The following CPNE4 variants were observed in gnomAD, a reference collection of about 807,000 sequenced individuals.
CPNE4 encodes copine-4.
In CPNE4, 25 loss-of-function variants were observed where a neutral mutation model predicts 67.9. That is an observed-to-expected ratio of 0.37 (90% CI 0.27 to 0.51). The LOEUF is 0.51. Among genes scored for constraint, CPNE4 ranks in the 20% least tolerant of loss-of-function variants. The pLI, the probability that CPNE4 is intolerant of heterozygous loss-of-function variation, is 0.93. For synonymous variants in CPNE4, 242 were observed against 244.9 expected (o/e 0.99, Z 0.11); for missense variants, 464 against 690.8 (o/e 0.67, Z 3.68).
intron 2 of CPNE4, among the ~76,000 whole-genome samples, chr3:131,895,633 G>A (rs2088297415): frequency 6.6e-6 from 1 of 151,804 alleles, no homozygotes; most frequent in African/African-American, 2.4e-5. Context: ...TAATCCATTT[G>A]AAAAGAAAAA....
intron 2 of CPNE4, among the ~76,000 whole-genome samples, chr3:131,733,348 AC>A (rs2082167872): frequency 6.6e-6 from 1 of 152,224 alleles, no homozygotes; most frequent in Admixed American, 6.5e-5. Flanking sequence ...CACAGTGTTT[AC>A]CAATCTTCAA....
At chr3:131,974,541 T>G (rs114174518) in intron 1 of CPNE4, among the ~76,000 whole-genome samples, 2,643 of 152,242 alleles carry the variant, frequency 0.017, 40 homozygotes, top group Non-Finnish European at 0.023. Flanking sequence ...GCATCTACCT[T>G]CTCTGCCTGT....
At chr3:131,564,570 C>A (rs999968943) in intron 10 of CPNE4, among the ~76,000 whole-genome samples, 5 of 151,994 alleles carry the variant, frequency 3.3e-5, no homozygotes, top group African/African-American at 1.2e-4. Flanking sequence ...CCAGTGCACT[C>A]TCTTCTCTCT....
intron 2 of CPNE4, among the ~76,000 whole-genome samples, chr3:131,878,092 A>T (rs916746613): frequency 2.0e-5 from 3 of 152,204 alleles, no homozygotes; most frequent in African/African-American, 7.2e-5. Flanking sequence ...CTAAAGCTAA[A>T]CATAGTCTCG....
At chr3:131,744,804 T>C (rs963448714) in intron 2 of CPNE4, among the ~76,000 whole-genome samples, 5 of 152,208 alleles carry the variant, frequency 3.3e-5, no homozygotes, top group Non-Finnish European at 7.4e-5. Flanking sequence ...TTCCATGATA[T>C]AGATGTACCA....
At chr3:131,853,825 AT>A (rs747344398) in intron 2 of CPNE4, among the ~76,000 whole-genome samples, 75 of 151,990 alleles carry the variant, frequency 4.9e-4, no homozygotes, top group Middle Eastern at 3.4e-3. Flanking sequence ...AAGGAATATG[AT>A]TTAAACCACA....
intron 1 of CPNE4, among the ~76,000 whole-genome samples, chr3:131,977,306 G>C (rs1286386129): frequency 2.0e-5 from 3 of 152,114 alleles, no homozygotes; most frequent in Non-Finnish European, 2.9e-5. Flanking sequence ...TTACCACATA[G>C]TTGATGATTA....
At chr3:131,845,283 A>G (rs751299156) in intron 2 of CPNE4, among the ~76,000 whole-genome samples, 8 of 152,232 alleles carry the variant, frequency 5.3e-5, no homozygotes, top group South Asian at 4.1e-4. Flanking sequence ...CAAATATATT[A>G]TCTCACTTAA....
At chr3:131,954,268 C>G (rs1017402820) in intron 1 of CPNE4, among the ~76,000 whole-genome samples, 19 of 152,192 alleles carry the variant, frequency 1.2e-4, no homozygotes, top group African/African-American at 4.1e-4. Flanking sequence ...AGGAATAATA[C>G]ATGAAATCTT....
chr3:131,749,768 G>A (rs767320899), intron 2 of CPNE4, among the ~76,000 whole-genome samples: 5 of 151,980 alleles, frequency 3.3e-5, no homozygotes, highest in Admixed American at 1.3e-4. Flanking sequence ...ATTTAGGCAC[G>A]TCTGCTTTCA....
chr3:131,793,504 C>T (rs554426104), intron 2 of CPNE4, among the ~76,000 whole-genome samples: 4 of 152,258 alleles, frequency 2.6e-5, no homozygotes, highest in Admixed American at 6.5e-5. Flanking sequence ...TCCCAAACAC[C>T]GATGCCTGGG....
In CPNE4 at chr3:131,699,996, C is replaced by T; in HGVS notation, c.361-16G>A. 1 of 1,463,878 alleles carries T rather than the reference C, an allele frequency of 6.8e-7. No individual in the cohort carries two copies. The highest frequency in any genetic ancestry group is 9.2e-7 in the Non-Finnish European group (1 of 1,081,948). 90.7% of individuals were successfully genotyped at this position (1,463,878 alleles called of 1,614,324 possible). A position where few individuals can be genotyped will look rare whatever the true frequency, so the allele number is the denominator to read the frequency against. On this transcript the variant is annotated splice_polypyrimidine_tract_variant and intron_variant, in intron 3 of 15. Coordinates refer to ENST00000429747, the MANE Select transcript of CPNE4 (RefSeq NM_130808.3). ...GGGAAACAATCTGCAAAAAAGGAAA[C>T]AAAAGGTAACAAAAGGTAGAGATAC...
At chr3:131,809,196 A>G (rs573834445) in intron 2 of CPNE4, among the ~76,000 whole-genome samples, 11 of 152,166 alleles carry the variant, frequency 7.2e-5, no homozygotes, top group Non-Finnish European at 1.2e-4. Flanking sequence ...TAAAAAGTAG[A>G]AGAGAGAAGC....
rs558118614 is a variant in CPNE4, at chr3:131,784,344, C to A, written c.181-60719G>T. Among the ~76,000 whole-genome samples the A allele has an allele frequency of 2.6e-5, 4 of 152,138 alleles. No individual in the cohort carries two copies. In the South Asian group the frequency reaches 8.3e-4, roughly 32 times the overall value. Reference sequence around the variant, plus strand: ...TTCTCTTTGGTTCCTGCACTGGTACCTAATATAAAATAGAATAATTTATAG... The same window carrying A: ...TTCTCTTTGGTTCCTGCACTGGTACATAATATAAAATAGAATAATTTATAG... On this transcript the variant is annotated intron_variant, in intron 2 of 15. Coordinates refer to ENST00000429747, the MANE Select transcript of CPNE4 (RefSeq NM_130808.3).
chr3:131,731,342 C>G (rs562439649), intron 2 of CPNE4, among the ~76,000 whole-genome samples: 2 of 152,196 alleles, frequency 1.3e-5, no homozygotes, highest in Non-Finnish European at 2.9e-5. Flanking sequence ...GAGTATCCCC[C>G]GTAGGCACCA....
intron 2 of CPNE4, among the ~76,000 whole-genome samples, chr3:131,737,173 G>T (rs1410538441): frequency 7.7e-5 from 10 of 130,614 alleles, no homozygotes; most frequent in Non-Finnish European, 6.2e-5. Context: ...ACCCAGGCTG[G>T]AGTGCAGTGG....
At chr3:131,855,395 C>G (rs999438617) in intron 2 of CPNE4, among the ~76,000 whole-genome samples, 1 of 151,948 alleles carries the variant, frequency 6.6e-6, no homozygotes, top group Non-Finnish European at 1.5e-5. Flanking sequence ...CTTAAGGGTG[C>G]CCATCTACAG....
At chr3:132,025,642 T>A (rs2074100464) in intron 1 of CPNE4, among the ~76,000 whole-genome samples, 1 of 152,180 alleles carries the variant, frequency 6.6e-6, no homozygotes, top group Non-Finnish European at 1.5e-5. Context: ...AAGCCTCTAG[T>A]TTGTGAGAGA....
chr3:131,577,546 GTATCTAAACA>G (rs949710469), intron 9 of CPNE4, among the ~76,000 whole-genome samples: 1 of 152,042 alleles, frequency 6.6e-6, no homozygotes, highest in Non-Finnish European at 1.5e-5. Flanking sequence ...AAGTCTTTGT[GTATCTAAACA>G]TATCTAAACA....
Sources: gnomAD v4.1 joint callset for allele counts (sites outside exome capture counted in the v4.1 genomes callset) on GRCh38, gnomAD v4.1.1 for gene constraint, MANE v1.5 for transcripts, NCBI Gene and HGNC (gene_info 2026-07-23, HGNC 2026-07-21) for gene names.